The following ZMYM4 variants were observed in gnomAD, a reference collection of about 807,000 sequenced individuals.
ZMYM4 encodes the protein zinc finger MYM-type containing 4.
ZMYM4 carries 31 observed loss-of-function variants against 183.2 expected under a neutral mutation model. The observed-to-expected ratio is 0.17, with a 90% CI of 0.13 to 0.23. The LOEUF is 0.23. Among genes scored for constraint, ZMYM4 ranks in the 10% least tolerant of loss-of-function variants. The pLI is 1.00. For synonymous variants in ZMYM4, 592 were observed against 631.2 expected (o/e 0.94, Z 0.93); for missense variants, 1,273 against 1,840.3 (o/e 0.69, Z 5.64).
At chr1:35,338,496 G>T (rs1444887159) in intron 2 of ZMYM4, among the ~76,000 whole-genome samples, 1 of 152,108 alleles carries the variant, frequency 6.6e-6, no homozygotes, top group Non-Finnish European at 1.5e-5. Context: ...AATATGCTCG[G>T]GTTTTGGTAT....
intron 2 of ZMYM4, among the ~76,000 whole-genome samples, chr1:35,333,959 G>A (rs1380240332): frequency 1.3e-5 from 2 of 151,524 alleles, no homozygotes; most frequent in African/African-American, 4.9e-5. Context: ...TACATTAAAA[G>A]TCCTTTAATG....
intron 2 of ZMYM4, among the ~76,000 whole-genome samples, chr1:35,326,366 A>T (rs780137463): frequency 5.9e-5 from 9 of 152,166 alleles, no homozygotes; most frequent in Non-Finnish European, 1.2e-4. Flanking sequence ...TCAGCGAGTG[A>T]TGGTGCTTGT....
Position 35,359,266 on chromosome 1 carries a change from G to A in ZMYM4, c.427G>A (p.Asp143Asn). The A allele has an allele frequency of 6.2e-7, 1 of 1,609,062 alleles. No homozygotes were observed. The highest frequency in any genetic ancestry group is 1.7e-4 in the Middle Eastern group (1 of 6,026). ...KLKKDFPKQF[D>N]QVSVFKSIRK... ...AAAAAAAGACTTTCCTAAACAATTT[G>A]ATCAGGTTTCTGTCTTTAAATCAAT... The change falls in exon 3 of 30, where the codon GAT (aspartate) becomes AAT (asparagine). Residue 143 changes from aspartate (D) to asparagine (N), a missense_variant. Coordinates refer to ENST00000314607, the MANE Select transcript of ZMYM4 (RefSeq NM_005095.3).
intron 7 of ZMYM4, among the ~76,000 whole-genome samples, chr1:35,374,770 C>T (rs1644299456): frequency 6.6e-6 from 1 of 151,840 alleles, no homozygotes; most frequent in African/African-American, 2.4e-5. Context: ...AAAATATGCC[C>T]TCTTTCTCGT....
intron 1 of ZMYM4, among the ~76,000 whole-genome samples, chr1:35,322,471 T>C (rs1443758715): frequency 1.3e-5 from 2 of 152,176 alleles, no homozygotes; most frequent in African/African-American, 4.8e-5. Context: ...TGATGTGAAG[T>C]AGTGATTGTG....
intron 1 of ZMYM4, among the ~76,000 whole-genome samples, chr1:35,306,619 T>G (rs1287510603): frequency 6.6e-6 from 1 of 152,194 alleles, no homozygotes; most frequent in East Asian, 1.9e-4. Context: ...TACTTAAAAT[T>G]TTTCAGTGGC....
At chr1:35,395,412 A>G (rs1302411213) in intron 18 of ZMYM4, among the ~76,000 whole-genome samples, 1 of 152,048 alleles carries the variant, frequency 6.6e-6, no homozygotes, top group Non-Finnish European at 1.5e-5. Flanking sequence ...CCTGGGCAAC[A>G]TGGTGGGACC....
Position 35,359,451 on chromosome 1 carries a change from T to TC in ZMYM4, c.607+5_607+6insC. On this transcript the variant is annotated splice_donor_region_variant and intron_variant, in intron 3 of 29. Transcript: ENST00000314607. Reference sequence around the variant, plus strand: ...GCAGTTTTTTTGATAAAGCAGGTAATAATTGTTGGACTTAGAACCATAAAA... The same window carrying TC: ...GCAGTTTTTTTGATAAAGCAGGTAATCAATTGTTGGACTTAGAACCATAAAA... 1 of 1,550,840 alleles carries TC rather than the reference T, an allele frequency of 6.4e-7. No individual in the cohort carries two copies. The highest frequency in any genetic ancestry group is 8.6e-7 in the Non-Finnish European group (1 of 1,157,312).
Position 35,381,251 on chromosome 1 carries a change from A to AT in ZMYM4, c.1182-3dup. 1 of 1,560,600 alleles carries AT rather than the reference A, an allele frequency of 6.4e-7. No individual in the cohort carries two copies. The highest frequency in any genetic ancestry group is 8.6e-7 in the Non-Finnish European group (1 of 1,156,260). ...CCATGGCTTATGTTATTTTTTTCTTATTTTTAGAGACATTTTAAATCCAAA... is the reference window on the plus strand; with the variant it reads ...CCATGGCTTATGTTATTTTTTTCTTATTTTTTAGAGACATTTTAAATCCAAA... On this transcript the variant is annotated splice_region_variant and splice_polypyrimidine_tract_variant and intron_variant, in intron 7 of 29. Coordinates refer to ENST00000314607, the MANE Select transcript of ZMYM4 (RefSeq NM_005095.3).
intron 4 of ZMYM4, 61 bp downstream of exon 4, chr1:35,361,316 TG>T: frequency 6.8e-7 from 1 of 1,477,814 alleles, no homozygotes; most frequent in Admixed American, 2.3e-5. Context: ...GTTTTCTTTA[TG>T]TCAGTTTCTA....
intron 5 of ZMYM4, among the ~76,000 whole-genome samples, chr1:35,369,158 A>T (rs191666639): frequency 6.6e-6 from 1 of 152,212 alleles, no homozygotes; most frequent in East Asian, 1.9e-4. Flanking sequence ...TCCAAGAATA[A>T]GTGATCTTGC....
At chr1:35,281,888 T>C (rs1472496667) in intron 1 of ZMYM4, among the ~76,000 whole-genome samples, 1 of 152,172 alleles carries the variant, frequency 6.6e-6, no homozygotes, top group Non-Finnish European at 1.5e-5. Context: ...TTCTAGATAT[T>C]TCATGTAAGT....
intron 5 of ZMYM4, among the ~76,000 whole-genome samples, chr1:35,363,619 G>C (rs2148916167): frequency 6.6e-6 from 1 of 152,252 alleles, no homozygotes; most frequent in Middle Eastern, 3.4e-3. Flanking sequence ...TTAGGGTAGT[G>C]ATAAAGCTAT....
chr1:35,268,814 C>G lies in ZMYM4; in HGVS notation c.-233C>G, dbSNP rs1415844010. ...GGCCATTAACCCCCCGAGTCCCGGC[C>G]CCCACCCCGTCCCCGGGCAGGCCCT... is the stretch of plus-strand genomic sequence containing the variant. On this transcript the variant is annotated 5_prime_UTR_variant, in exon 1 of 30. Transcript: ENST00000314607. Among the ~76,000 whole-genome samples the G allele has an allele frequency of 2.0e-5, 3 of 152,332 alleles. No homozygotes were observed. The highest frequency in any genetic ancestry group is 1.3e-4 in the Admixed American group (2 of 15,310).
intron 1 of ZMYM4, among the ~76,000 whole-genome samples, chr1:35,269,754 G>A (rs1443143114): frequency 6.6e-6 from 1 of 152,182 alleles, no homozygotes; most frequent in East Asian, 1.9e-4. Context: ...CAATCAACCT[G>A]CAGAGGTGAA....
chr1:35,391,065 G>A (rs570503238), intron 15 of ZMYM4, among the ~76,000 whole-genome samples: 34 of 152,300 alleles, frequency 2.2e-4, no homozygotes, highest in African/African-American at 7.9e-4. Context: ...ACTATATGTC[G>A]TGGGCGTGAC....
At chr1:35,320,110 C>T (rs1221924183) in intron 1 of ZMYM4, among the ~76,000 whole-genome samples, 1 of 152,174 alleles carries the variant, frequency 6.6e-6, no homozygotes, top group Non-Finnish European at 1.5e-5. Flanking sequence ...CACACAGCTC[C>T]TAAAACTGTT....
Position 35,372,011 on chromosome 1 carries a change from A to G in ZMYM4, c.1181+1384A>G, listed in dbSNP as rs189268750. 1.8e-3 allele frequency among the ~76,000 whole-genome samples: 272 copies of G among 152,324 alleles called. 4 individuals carry two copies. The Middle Eastern group carries it at 0.024, about 13-fold the overall frequency. ...TTCTGCAACTTTTTGTTTTGGGACT[A>G]TCTTTCAAGCTAATTACACATTCTT... On this transcript the variant is annotated intron_variant, in intron 7 of 29. Transcript: ENST00000314607.
At chr1:35,272,949 C>T (rs1023247936) in intron 1 of ZMYM4, among the ~76,000 whole-genome samples, 5 of 152,070 alleles carry the variant, frequency 3.3e-5, no homozygotes, top group East Asian at 1.9e-4. Flanking sequence ...CTCCTGACCT[C>T]GTGATCCACC....
Sources: allele counts gnomAD v4.1 joint callset (sites outside exome capture counted in the v4.1 genomes callset), GRCh38; gene constraint gnomAD v4.1.1; transcripts MANE v1.5; gene names NCBI Gene and HGNC (gene_info 2026-07-23, HGNC 2026-07-21).